VMP1: variants seen among roughly 807,000 people sequenced by gnomAD.
VMP1 encodes the protein ectopic P-granules autophagy protein 3 homolog.
A neutral mutation model predicts 56.0 loss-of-function variants in VMP1; 11 were observed. That is an observed-to-expected ratio of 0.20 (90% confidence interval 0.12 to 0.32). VMP1 has a LOEUF of 0.32. Among genes scored for constraint, VMP1 ranks in the 10% least tolerant of loss-of-function variants. VMP1 has a pLI of 1.00. For missense variants in VMP1, 296 were observed against 490.3 expected, an observed-to-expected ratio of 0.60 and a Z score of 3.74; for synonymous variants, 149 against 165.0, an observed-to-expected ratio of 0.90 and a Z score of 0.74.
chr17:59,727,979 A>G (rs1189282136), intron 1 of VMP1, among the ~76,000 whole-genome samples: 1 of 152,232 alleles, frequency 6.6e-6, no homozygotes, highest in Non-Finnish European at 1.5e-5. Flanking sequence ...TTTAAATCTT[A>G]TGATTGTCTA....
At chr17:59,836,333 G>A (rs989743234) in intron 10 of VMP1, among the ~76,000 whole-genome samples, 1 of 151,878 alleles carries the variant, frequency 6.6e-6, no homozygotes, top group Non-Finnish European at 1.5e-5. Flanking sequence ...GAGTAGCAGG[G>A]ACTACAGGCA....
At chr17:59,752,611 A>T (rs2035694503) in intron 5 of VMP1, among the ~76,000 whole-genome samples, 1 of 152,232 alleles carries the variant, frequency 6.6e-6, no homozygotes. Context: ...ATTTCTTCTA[A>T]ATGAGCTGTC....
At chr17:59,817,491 A>T (rs755447123) in intron 9 of VMP1, among the ~76,000 whole-genome samples, 1 of 151,796 alleles carries the variant, frequency 6.6e-6, no homozygotes, top group Non-Finnish European at 1.5e-5. Context: ...AGCTGGGACT[A>T]CAGGCACATG....
intron 5 of VMP1, among the ~76,000 whole-genome samples, chr17:59,764,392 A>G (rs2036161733): frequency 1.3e-5 from 2 of 152,156 alleles, no homozygotes; most frequent in Non-Finnish European, 2.9e-5. Context: ...GCAGTGGCAC[A>G]ATCATAGCCC....
chr17:59,731,255 T>A (rs1428655654), intron 1 of VMP1, 166 bp from the exon 2 acceptor site: 2 of 370,158 alleles, frequency 5.4e-6, no homozygotes, highest in African/African-American at 4.3e-5. Flanking sequence ...TTCAATAGAA[T>A]AACTAAATTG....
At position 59,716,000 on chromosome 17, in the gene VMP1, A is replaced by G. The variant is rs59578909; in HGVS notation, c.-27+8252A>G. On this transcript the variant is annotated intron_variant, in intron 1 of 11. Coordinates refer to ENST00000262291, the MANE Select transcript of VMP1 (RefSeq NM_030938.5). ...AATTTTTTATTTTTTTTTTGTACTA[A>G]AGGTTGACATAATTTCTGGCTTATC... Among the ~76,000 whole-genome samples the G allele has an allele frequency of 2.5e-3, 382 of 152,092 alleles. 1 individual carries two copies. The highest frequency in any genetic ancestry group is 8.8e-3 in the African/African-American group (366 of 41,498).
chr17:59,813,943 T>G (rs185912608), intron 9 of VMP1, among the ~76,000 whole-genome samples: 298 of 150,366 alleles, frequency 2.0e-3, no homozygotes, highest in African/African-American at 7.0e-3. Context: ...CTAGTATATA[T>G]TTAAACATAC....
At chr17:59,737,310 T>TC in intron 3 of VMP1, 143 bp from the exon 4 acceptor site, 2 of 665,758 alleles carry the variant, frequency 3.0e-6, no homozygotes. Flanking sequence ...CTTCTGTTAC[T>TC]CCAAGAGGCC....
chr17:59,835,501 T>G (rs1372357815), intron 10 of VMP1, among the ~76,000 whole-genome samples: 6 of 150,968 alleles, frequency 4.0e-5, no homozygotes, highest in Non-Finnish European at 7.4e-5. Flanking sequence ...TTGTTTTTTT[T>G]TTTTTTGAGA....
intron 1 of VMP1, among the ~76,000 whole-genome samples, chr17:59,714,065 A>G (rs937350086): frequency 1.3e-4 from 20 of 151,882 alleles, no homozygotes; most frequent in East Asian, 1.9e-4. Context: ...AAAAAAAAAA[A>G]AAGAAGGTTT....
chr17:59,750,462 C>G (rs905809883), intron 5 of VMP1, among the ~76,000 whole-genome samples: 1 of 151,908 alleles, frequency 6.6e-6, no homozygotes, highest in Non-Finnish European at 1.5e-5. Flanking sequence ...CCACCACACC[C>G]GGCTAATTTT....
At chr17:59,798,044 G>C (rs1379422164) in intron 7 of VMP1, among the ~76,000 whole-genome samples, 1 of 152,206 alleles carries the variant, frequency 6.6e-6, no homozygotes, top group Non-Finnish European at 1.5e-5. Context: ...TCTGTATCTG[G>C]ATCTCAGTAG....
chr17:59,794,036 C>G (rs2037337667), intron 7 of VMP1, among the ~76,000 whole-genome samples: 2 of 150,878 alleles, frequency 1.3e-5, no homozygotes, highest in African/African-American at 4.9e-5. Flanking sequence ...TTCTCCTGCC[C>G]CAGCCTCCCG....
intron 5 of VMP1, among the ~76,000 whole-genome samples, chr17:59,744,092 GTT>G (rs58467769): frequency 2.1e-5 from 3 of 144,184 alleles, no homozygotes; most frequent in African/African-American, 5.1e-5. Flanking sequence ...TGAGGTTTTT[GTT>G]TTTTTTTTTT....
At chr17:59,763,505 ATAAT>A (rs2036131233) in intron 5 of VMP1, among the ~76,000 whole-genome samples, 1 of 152,190 alleles carries the variant, frequency 6.6e-6, no homozygotes, top group Admixed American at 6.5e-5. Context: ...GAAAAAACTA[ATAAT>A]TAACTGATTC....
chr17:59,732,535 G>T (rs1405233605), intron 2 of VMP1, among the ~76,000 whole-genome samples: 1 of 129,570 alleles, frequency 7.7e-6, no homozygotes, highest in Non-Finnish European at 1.9e-5. Flanking sequence ...GAGCCACCGC[G>T]CCCGGCCTCA....
intron 5 of VMP1, among the ~76,000 whole-genome samples, chr17:59,759,298 C>T (rs1007627509): frequency 6.6e-6 from 1 of 151,978 alleles, no homozygotes. Flanking sequence ...TGCTTGAACC[C>T]CAGAGGCGAA....
Position 59,840,033 on chromosome 17 carries a change from C to G in VMP1, c.*122C>G. 1 of 1,362,800 alleles carries G rather than the reference C, an allele frequency of 7.3e-7. No individual in the cohort carries two copies. The highest frequency in any genetic ancestry group is 1.0e-6 in the Non-Finnish European group (1 of 999,518). 84.4% of individuals were successfully genotyped at this position (1,362,800 alleles called of 1,614,324 possible). A position where few individuals can be genotyped will look rare whatever the true frequency, so the allele number is the denominator to read the frequency against. ...TGTATCAATTTTTACAACTTTTTTC[C>G]TGAAAGCAGTTTAGTCCATACTTTG... On this transcript the variant is annotated 3_prime_UTR_variant, in exon 12 of 12. Coordinates refer to ENST00000262291, the MANE Select transcript of VMP1 (RefSeq NM_030938.5).
intron 8 of VMP1, among the ~76,000 whole-genome samples, chr17:59,809,484 ATTTTTTTTTTTTTTTTTTTTTT>A (rs71145575): frequency 2.1e-4 from 11 of 52,714 alleles, no homozygotes; most frequent in East Asian, 5.1e-4. Context: ...CACCCAGCTA[ATTTTTTTTTTTTTTTTTTTTTT>A]TTTTTTTTTT....
Sources: gnomAD v4.1 joint callset for allele counts (sites outside exome capture counted in the v4.1 genomes callset) on GRCh38, gnomAD v4.1.1 for gene constraint, MANE v1.5 for transcripts, NCBI Gene and HGNC (gene_info 2026-07-23, HGNC 2026-07-21) for gene names.